TMEM132C: variants seen among roughly 807,000 people sequenced by gnomAD.
The protein encoded by TMEM132C is protein phosphatase 1, regulatory subunit 152.
Under a neutral mutation model 61.4 loss-of-function variants are expected in TMEM132C, and 29 were observed. The observed-to-expected ratio is 0.47, with a 90% CI of 0.35 to 0.64. TMEM132C has a LOEUF of 0.64. TMEM132C is among the 30% of genes least tolerant of loss of function. TMEM132C has a pLI of 0.00. For missense variants in TMEM132C, 1,408 were observed against 1,476.9 expected, an observed-to-expected ratio of 0.95 and a Z score of 0.76; for synonymous variants, 656 against 633.1, an observed-to-expected ratio of 1.04 and a Z score of -0.54.
At chr12:128,696,179 G>C in intron 7 of TMEM132C, 76 bp downstream of exon 7, 1 of 1,485,712 alleles carries the variant, frequency 6.7e-7, no homozygotes, top group African/African-American at 1.4e-5. Flanking sequence ...TGGGTGGGCA[G>C]ATCACTGTGG....
chr12:128,496,017 G>A (rs1041549281), intron 2 of TMEM132C, among the ~76,000 whole-genome samples: 2 of 151,974 alleles, frequency 1.3e-5, no homozygotes, highest in Admixed American at 6.6e-5. Context: ...AGCTCTTTTA[G>A]GACAGGCCTG....
At position 128,693,823 on chromosome 12, in the gene TMEM132C, T is replaced by C. The variant is rs778482629; in HGVS notation, c.1450-6T>C. On this transcript the variant is annotated splice_polypyrimidine_tract_variant and splice_region_variant and intron_variant, in intron 5 of 8. Transcript: ENST00000435159. ...TCCTCCATCCTTTCTCCCTCTGTCT[T>C]TGCAGGTGTCTGAGCGCTGTGACTA... 31 of 1,551,618 alleles carry C rather than the reference T, an allele frequency of 2.0e-5. No individual in the cohort carries two copies. In the Admixed American group the frequency reaches 5.9e-4, roughly 29 times the overall value.
At chr12:128,512,475 C>T (rs976077978) in intron 2 of TMEM132C, among the ~76,000 whole-genome samples, 17 of 152,196 alleles carry the variant, frequency 1.1e-4, no homozygotes, top group South Asian at 4.1e-4. Flanking sequence ...AGTATTCCAC[C>T]GAGTAGAGCT....
intron 2 of TMEM132C, among the ~76,000 whole-genome samples, chr12:128,428,010 G>C (rs1464595304): frequency 2.6e-5 from 4 of 152,192 alleles, no homozygotes; most frequent in African/African-American, 9.7e-5. Context: ...GGTCCCAAGA[G>C]CCAGAGTGCT....
intron 4 of TMEM132C, among the ~76,000 whole-genome samples, chr12:128,617,438 A>G (rs1397221063): frequency 6.6e-6 from 1 of 152,228 alleles, no homozygotes; most frequent in African/African-American, 2.4e-5. Flanking sequence ...CATGAGCCCA[A>G]CTTGAAGCCA....
intron 2 of TMEM132C, among the ~76,000 whole-genome samples, chr12:128,449,063 G>A (rs1400543554): frequency 1.3e-5 from 2 of 149,058 alleles, no homozygotes; most frequent in Non-Finnish European, 3.0e-5. Context: ...CGTGAACCCG[G>A]GAGGCAGAGC....
intron 4 of TMEM132C, among the ~76,000 whole-genome samples, chr12:128,627,992 C>T (rs557812159): frequency 1.3e-5 from 2 of 152,280 alleles, no homozygotes; most frequent in Non-Finnish European, 2.9e-5. Flanking sequence ...GGTGCAGGTG[C>T]AGAATCCTGG....
intron 2 of TMEM132C, among the ~76,000 whole-genome samples, chr12:128,421,422 A>G (rs2136027306): frequency 6.6e-6 from 1 of 152,338 alleles, no homozygotes; most frequent in African/African-American, 2.4e-5. Flanking sequence ...TTCATGGAGG[A>G]CATGCAGGGA....
chr12:128,593,722 A>G (rs563837549), intron 3 of TMEM132C, among the ~76,000 whole-genome samples: 38 of 152,282 alleles, frequency 2.5e-4, no homozygotes, highest in African/African-American at 8.7e-4. Flanking sequence ...ACGGGTCCCC[A>G]TCTCTTTCTC....
chr12:128,319,208 C>T (rs1231840251), intron 1 of TMEM132C, among the ~76,000 whole-genome samples: 2 of 152,192 alleles, frequency 1.3e-5, no homozygotes, highest in East Asian at 3.9e-4. Context: ...GAAGGAATTA[C>T]AAGAAAGACA....
chr12:128,695,335 C>T (rs945745585), intron 6 of TMEM132C, among the ~76,000 whole-genome samples: 1 of 151,770 alleles, frequency 6.6e-6, no homozygotes, highest in African/African-American at 2.4e-5. Flanking sequence ...GCCTGGGCAA[C>T]ATAGCAAGAC....
intron 1 of TMEM132C, among the ~76,000 whole-genome samples, chr12:128,290,904 T>C (rs1001870577): frequency 2.0e-5 from 3 of 151,272 alleles, no homozygotes; most frequent in Admixed American, 2.0e-4. Flanking sequence ...AATGACTGAA[T>C]ATGCATTTTA....
At chr12:128,465,371 T>C (rs1215540264) in intron 2 of TMEM132C, among the ~76,000 whole-genome samples, 1 of 152,046 alleles carries the variant, frequency 6.6e-6, no homozygotes, top group African/African-American at 2.4e-5. Flanking sequence ...GCTAATTTTT[T>C]GTATTTTTAG....
chr12:128,571,384 T>C (rs1277460093), intron 3 of TMEM132C, among the ~76,000 whole-genome samples: 6 of 152,266 alleles, frequency 3.9e-5, no homozygotes. Flanking sequence ...TGAATATTTT[T>C]ATTGTGGTAA....
intron 2 of TMEM132C, among the ~76,000 whole-genome samples, chr12:128,516,578 T>A (rs1450805491): frequency 7.3e-6 from 1 of 137,730 alleles, no homozygotes; most frequent in Non-Finnish European, 1.6e-5. Context: ...TTTTATTGTA[T>A]GCAAATTTTA....
At chr12:128,645,433 G>A (rs563340125) in intron 4 of TMEM132C, among the ~76,000 whole-genome samples, 1 of 152,198 alleles carries the variant, frequency 6.6e-6, no homozygotes, top group Admixed American at 6.5e-5. Flanking sequence ...GCACCTGACC[G>A]CCAATTCTGT....
At chr12:128,561,770 G>A (rs879830034) in intron 3 of TMEM132C, among the ~76,000 whole-genome samples, 2 of 151,386 alleles carry the variant, frequency 1.3e-5, no homozygotes, top group Admixed American at 1.3e-4. Flanking sequence ...AAAGTGGTAT[G>A]AATTTCAAAA....
chr12:128,350,855 A>G (rs1426036241), intron 1 of TMEM132C, among the ~76,000 whole-genome samples: 2 of 151,878 alleles, frequency 1.3e-5, no homozygotes, highest in East Asian at 3.9e-4. Context: ...GCAGTTACAT[A>G]TATTACTAGA....
intron 2 of TMEM132C, among the ~76,000 whole-genome samples, chr12:128,504,575 CCT>C (rs1451280349): frequency 2.0e-5 from 3 of 152,024 alleles, no homozygotes; most frequent in Admixed American, 1.3e-4. Flanking sequence ...TCTCCTGAGG[CCT>C]CTCTCCTTGA....
Sources: allele counts gnomAD v4.1 joint callset (sites outside exome capture counted in the v4.1 genomes callset), GRCh38; gene constraint gnomAD v4.1.1; transcripts MANE v1.5; gene names NCBI Gene and HGNC (gene_info 2026-07-23, HGNC 2026-07-21).